Variants in HTR3E observed in about 807,000 individuals in gnomAD.
HTR3E encodes 5-hydroxytryptamine (serotonin) receptor 3, family member E.
HTR3E carries 38 observed loss-of-function variants against 38.0 expected under a neutral mutation model. The ratio of observed to expected loss-of-function variants is 1.00; its 90% CI spans 0.77 to 1.31. The LOEUF (loss-of-function observed/expected upper bound fraction) is 1.31, where lower values mean the gene tolerates loss of function less well. Ranked by LOEUF, HTR3E falls within the 50% of genes most tolerant of loss-of-function variation. The probability of loss-of-function intolerance (pLI) is 0.00; values close to 1 mark genes in which losing one functional copy is unlikely to be tolerated. For missense variants in HTR3E, 547 were observed against 585.2 expected, an observed-to-expected ratio of 0.93 and a Z score of 0.67; for synonymous variants, 210 against 232.9, an observed-to-expected ratio of 0.90 and a Z score of 0.89.
rs1206629253 is a variant in HTR3E at position 184,104,935 on chromosome 3, T to C, written c.538T>C (p.Phe180Leu). 6.2e-7 allele frequency: 1 copy of C among 1,613,702 alleles called. No individual in the cohort carries two copies. Among genetic ancestry groups the C allele is most frequent in the African/African-American group, 1.3e-5 (1 of 74,872 alleles). Reference sequence around the variant, plus strand: ...CGACCAGCAGAACTGCACACTCACCTTCAGCTCATTCCTCTACACAGGTAA... The same window carrying C: ...CGACCAGCAGAACTGCACACTCACCCTCAGCTCATTCCTCTACACAGGTAA... ...PFDQQNCTLT[F>L]SSFLYTVDSM... The change falls in exon 5 of 9, where the codon TTC becomes CTC. Residue 180 changes from phenylalanine to leucine, a missense_variant. By Grantham distance (22) the Phe-to-Leu change is conservative (BLOSUM62 0). Coordinates refer to ENST00000415389, the MANE Select transcript of HTR3E (RefSeq NM_001256613.2).
rs1458362015 is a variant in HTR3E at position 184,099,738 on chromosome 3, A to ACAAAAAC, written c.68-747_68-746insCAAAAAC. Reference sequence around the variant, plus strand: ...TCCGTCTCAAAAAAAAAAAAAAAAAAAAGAAAGAAATATGCACAATTATTA... The same window carrying ACAAAAAC: ...TCCGTCTCAAAAAAAAAAAAAAAAAACAAAAACAAGAAAGAAATATGCACAATTATTA... On this transcript the variant is annotated intron_variant, in intron 1 of 8. Transcript: ENST00000415389. 8.1e-5 allele frequency among the ~76,000 whole-genome samples: 12 copies of ACAAAAAC among 147,380 alleles called. 1 individual carries two copies. The highest frequency in any genetic ancestry group is 6.4e-4 in the South Asian group (3 of 4,718).
intron 1 of HTR3E, among the ~76,000 whole-genome samples, chr3:184,098,997 C>T (rs1451681723): frequency 6.6e-6 from 1 of 151,784 alleles, no homozygotes; most frequent in Admixed American, 6.6e-5. Flanking sequence ...GAGTCAAGAT[C>T]GCACCACTGC....
At chr3:184,104,485 C>A in intron 4 of HTR3E, 194 bp downstream of exon 4, 1 of 706,586 alleles carries the variant, frequency 1.4e-6, no homozygotes, top group South Asian at 2.7e-5. Flanking sequence ...GTGGGTGGAT[C>A]ACTTCAGTTC....
In HTR3E at chr3:184,106,648, C is replaced by T. The variant is rs761819577; in HGVS notation, c.1326C>T (p.Phe442=). The T allele has an allele frequency of 1.9e-6, 3 of 1,614,218 alleles. No individual in the cohort carries two copies. Among genetic ancestry groups the T allele is most frequent in the Non-Finnish European group, 1.7e-6 (2 of 1,180,036 alleles). Residue 442 remains phenylalanine (F), a synonymous_variant, in exon 9 of 9, where the codon TTC becomes TTT. Coordinates refer to ENST00000415389, the MANE Select transcript of HTR3E (RefSeq NM_001256613.2). This position sits in a 1 kb window ranked among gnomAD's most constrained non-coding sequence, Gnocchi z 4.1. ...DAMLFRLYLL[F]MASSIITVIC... ...TGCTCTTCCGCCTCTACCTGCTCTT[C>T]ATGGCCTCCTCTATCATCACCGTCA...
chr3:184,099,231 C>CA (rs1387460412), intron 1 of HTR3E, among the ~76,000 whole-genome samples: 1 of 151,462 alleles, frequency 6.6e-6, no homozygotes, highest in Non-Finnish European at 1.5e-5. Context: ...CCCGTCTCTA[C>CA]AAAAATTTTT....
At chr3:184,100,129 C>G (rs1380765663) in intron 1 of HTR3E, 8 of 1,328,734 alleles carry the variant, frequency 6.0e-6, no homozygotes, top group Non-Finnish European at 7.7e-6. Flanking sequence ...CATTCTTCAT[C>G]TCATCCCTGG....
chr3:184,104,928 A>G lies in HTR3E; in HGVS notation c.531A>G (p.Thr177=), dbSNP rs1712327500. 1.2e-6 allele frequency: 2 copies of G among 1,613,714 alleles called. No individual in the cohort carries two copies. The highest frequency in any genetic ancestry group is 3.3e-5 in the Admixed American group (2 of 59,938). The change falls in exon 5 of 9, where the codon ACA becomes ACG. Residue 177 remains threonine, a synonymous_variant. Coordinates refer to ENST00000415389, the MANE Select transcript of HTR3E (RefSeq NM_001256613.2). ...FYFPFDQQNC[T]LTFSSFLYTV... ...TCCCCTTCGACCAGCAGAACTGCAC[A>G]CTCACCTTCAGCTCATTCCTCTACA...
At chr3:184,100,699 C>T (rs1447478841) in intron 2 of HTR3E, 48 bp downstream of exon 2, 4 of 1,578,704 alleles carry the variant, frequency 2.5e-6, no homozygotes, top group Admixed American at 3.5e-5. Flanking sequence ...AACCTTTTTC[C>T]AGCCCCTGGC....
chr3:184,101,648 T>C (rs1186643390), intron 3 of HTR3E, 119 bp downstream of exon 3: 3 of 873,602 alleles, frequency 3.4e-6, no homozygotes, highest in East Asian at 4.9e-5. Context: ...GAAGGAGAAA[T>C]TGAAAAATCG....
At chr3:184,100,765 T>G in intron 2 of HTR3E, 114 bp downstream of exon 2, 1 of 1,453,312 alleles carries the variant, frequency 6.9e-7, no homozygotes, top group Non-Finnish European at 9.3e-7. Flanking sequence ...CACTGCTGGA[T>G]GGCATTTGCC....
In HTR3E at chr3:184,099,737, A is replaced by AC. The variant is rs1278061965; in HGVS notation, c.68-748_68-747insC. On this transcript the variant is annotated intron_variant, in intron 1 of 8. Transcript: ENST00000415389. ...CTCCGTCTCAAAAAAAAAAAAAAAA[A>AC]AAAGAAAGAAATATGCACAATTATT... is the stretch of plus-strand genomic sequence containing the variant. Among the ~76,000 whole-genome samples, 768 of 148,450 alleles carry AC rather than the reference A, an allele frequency of 5.2e-3. 42 individuals are homozygous for AC. The highest frequency in any genetic ancestry group is 0.011 in the South Asian group (54 of 4,752).
At position 184,097,564 on chromosome 3, in the gene HTR3E, C is replaced by T. The variant is rs1711729822; in HGVS notation, c.35C>T (p.Ser12Phe). 1 of 1,535,968 alleles carries T rather than the reference C, an allele frequency of 6.5e-7. No homozygotes were observed. The highest frequency in any genetic ancestry group is 2.0e-5 in the Admixed American group (1 of 50,986). ...EGSWFHRKRF[S>F]FYLLLGFLLQ... ...AGCTGGTTCCACAGGAAAAGATTTTCCTTCTACCTCCTTCTCGGTTTTCTG... is the reference window on the plus strand; with the variant it reads ...AGCTGGTTCCACAGGAAAAGATTTTTCTTCTACCTCCTTCTCGGTTTTCTG... The change falls in exon 1 of 9, where the codon TCC (serine) becomes TTC (phenylalanine). Residue 12 changes from serine (S) to phenylalanine (F), a missense_variant. Physicochemically the swap from Ser to Phe is radical, Grantham distance 155. Coordinates refer to ENST00000415389, the MANE Select transcript of HTR3E (RefSeq NM_001256613.2).
intron 6 of HTR3E, 80 bp downstream of exon 6, chr3:184,105,507 C>A: frequency 6.8e-7 from 1 of 1,460,740 alleles, no homozygotes; most frequent in East Asian, 2.3e-5. Flanking sequence ...ATGTATCTCC[C>A]AAGTTTCAGG....
chr3:184,104,016 G>T, intron 3 of HTR3E, 166 bp from the exon 4 acceptor site: 1 of 481,656 alleles, frequency 2.1e-6, no homozygotes, highest in East Asian at 3.5e-5. Flanking sequence ...AAAAAAGCAA[G>T]TAAATTTAAT....
rs1053280028 is a variant in HTR3E at position 184,097,230 on chromosome 3, T to A, written c.-300T>A. Reference sequence around the variant, plus strand: ...TGAGAATTTTCCAAAATTGAAGAGATGAGTCTTCAGACCAAGGGATCTCAC... The same window carrying A: ...TGAGAATTTTCCAAAATTGAAGAGAAGAGTCTTCAGACCAAGGGATCTCAC... On this transcript the variant is annotated 5_prime_UTR_variant, in exon 1 of 9. The change abolishes an upstream ATG in the 5' untranslated region. Coordinates refer to ENST00000415389, the MANE Select transcript of HTR3E (RefSeq NM_001256613.2). 4 of 225,670 alleles carry A rather than the reference T, an allele frequency of 1.8e-5. No individual in the cohort carries two copies. The highest frequency in any genetic ancestry group is 9.0e-5 in the African/African-American group (4 of 44,202). 14.0% of individuals were successfully genotyped at this position (225,670 alleles called of 1,614,324 possible). A position where few individuals can be genotyped will look rare whatever the true frequency, so the allele number is the denominator to read the frequency against.
In HTR3E at chr3:184,105,363, G is replaced by T; in HGVS notation, c.656G>T (p.Gly219Val). ...LQTHGEWELL[G>V]LSKATAKLSR... ...ACCCATGGAGAATGGGAGCTCCTGGGCCTCAGCAAGGCCACCGCAAAGTTG... is the reference window on the plus strand; with the variant it reads ...ACCCATGGAGAATGGGAGCTCCTGGTCCTCAGCAAGGCCACCGCAAAGTTG... The change falls in exon 6 of 9, where the codon GGC becomes GTC. Residue 219 changes from glycine to valine, a missense_variant. Transcript: ENST00000415389. The T allele has an allele frequency of 5.0e-6, 8 of 1,614,148 alleles. No individual in the cohort carries two copies. The highest frequency in any genetic ancestry group is 6.8e-6 in the Non-Finnish European group (8 of 1,180,016).
At position 184,106,371 on chromosome 3, in the gene HTR3E, C is replaced by A. The variant is rs1321164932; in HGVS notation, c.1141+28C>A. ...GAGGGAAGTCACATTCCTCTTCCCC[C>A]ACCTCCACTTCTCTGCTCCTGCCTC... On this transcript the variant is annotated intron_variant, in intron 8 of 8. Transcript: ENST00000415389. The surrounding 1 kb of genome is among the most constrained non-coding windows in gnomAD (Gnocchi z 4.1). The A allele has an allele frequency of 1.9e-6, 3 of 1,587,506 alleles. No individual in the cohort carries two copies. Among genetic ancestry groups the A allele is most frequent in the East Asian group, 2.3e-5 (1 of 43,150 alleles).
intron 4 of HTR3E, 123 bp from the exon 5 acceptor site, chr3:184,104,664 C>G (rs1315894444): frequency 1.2e-6 from 1 of 831,880 alleles, no homozygotes; most frequent in African/African-American, 1.8e-5. Flanking sequence ...TTGCAGTGAG[C>G]TGAGAGCATG....
chr3:184,101,987 C>A (rs1712077540), intron 3 of HTR3E, among the ~76,000 whole-genome samples: 1 of 150,828 alleles, frequency 6.6e-6, no homozygotes, highest in African/African-American at 2.5e-5. Flanking sequence ...GAGACTCTAT[C>A]TCAAAAACAA....
Sources: allele counts gnomAD v4.1 joint callset (sites outside exome capture counted in the v4.1 genomes callset), GRCh38; gene constraint gnomAD v4.1.1; non-coding constraint Gnocchi (gnomAD v3.1); transcripts MANE v1.5; gene names NCBI Gene and HGNC (gene_info 2026-07-23, HGNC 2026-07-21).